The following SLC24A4 variants were observed in gnomAD, a reference collection of about 807,000 sequenced individuals.
SLC24A4 encodes sodium/potassium/calcium exchanger 4.
A neutral mutation model predicts 79.0 loss-of-function variants in SLC24A4; 53 were observed. The ratio of observed to expected loss-of-function variants is 0.67; its 90% CI spans 0.54 to 0.84. SLC24A4 has a LOEUF of 0.84. Ranked by LOEUF, SLC24A4 falls within the 40% of genes least tolerant of loss-of-function variation. The pLI is 0.00. For synonymous variants in SLC24A4, 323 were observed against 323.8 expected (o/e 1.00, Z 0.03); for missense variants, 731 against 822.0 (o/e 0.89, Z 1.35).
In SLC24A4 at chr14:92,353,555, C is replaced by A. The variant is rs368475910; in HGVS notation, c.241+27577C>A. On this transcript the variant is annotated intron_variant, in intron 2 of 16. Coordinates refer to ENST00000532405, the MANE Select transcript of SLC24A4 (RefSeq NM_153646.4). This position sits in a 1 kb window ranked among gnomAD's most constrained non-coding sequence, Gnocchi z 4.1. ...GATGAGAGGGCCGGTTCTCCCCACCCCATGGTGTTATCAGACCTGTTGAGT... is the reference window on the plus strand; with the variant it reads ...GATGAGAGGGCCGGTTCTCCCCACCACATGGTGTTATCAGACCTGTTGAGT... 5.3e-5 allele frequency among the ~76,000 whole-genome samples: 8 copies of A among 152,192 alleles called. No individual in the cohort carries two copies. The highest frequency in any genetic ancestry group is 1.9e-4 in the African/African-American group (8 of 41,444).
intron 2 of SLC24A4, among the ~76,000 whole-genome samples, chr14:92,399,707 A>G (rs191948498): frequency 1.3e-5 from 2 of 152,350 alleles, no homozygotes; most frequent in East Asian, 3.9e-4. Context: ...TTCTCTGGTA[A>G]CCAGCGCATT....
chr14:92,412,236 A>G (rs1327054529), intron 2 of SLC24A4, among the ~76,000 whole-genome samples: 1 of 152,086 alleles, frequency 6.6e-6, no homozygotes, highest in Non-Finnish European at 1.5e-5. Context: ...ACCTGGGGCC[A>G]GGCACCCAGG....
intron 2 of SLC24A4, among the ~76,000 whole-genome samples, chr14:92,419,124 C>G (rs1891144877): frequency 1.3e-5 from 2 of 152,150 alleles, no homozygotes; most frequent in Admixed American, 1.3e-4. Context: ...TATAAAATAC[C>G]TTCACAGCAA....
chr14:92,370,883 C>T (rs148376899), intron 2 of SLC24A4, among the ~76,000 whole-genome samples: 331 of 152,248 alleles, frequency 2.2e-3, no homozygotes, highest in African/African-American at 5.8e-3. Flanking sequence ...AGAACCGGAG[C>T]GGCACCAGAC....
Position 92,325,847 on chromosome 14 carries a change from G to C in SLC24A4, c.131-21G>C, listed in dbSNP as rs747748684. On this transcript the variant is annotated intron_variant, in intron 1 of 16. Transcript: ENST00000532405. ...CCATCACACTGACCTAATGGTATCT[G>C]TGACTTATTTTCCAATCCAGGGCAC... The C allele has an allele frequency of 2.7e-6, 4 of 1,504,350 alleles. No homozygotes were observed. In the African/African-American group the frequency reaches 4.1e-5, roughly 15 times the overall value. 93.2% of individuals were successfully genotyped at this position (1,504,350 alleles called of 1,614,324 possible). A position where few individuals can be genotyped will look rare whatever the true frequency, so the allele number is the denominator to read the frequency against.
chr14:92,460,682 C>T (rs1391333067), intron 12 of SLC24A4, among the ~76,000 whole-genome samples: 1 of 152,214 alleles, frequency 6.6e-6, no homozygotes, highest in Non-Finnish European at 1.5e-5. Flanking sequence ...GGTCCCTGCC[C>T]TCTGGGAGCT....
chr14:92,474,594 C>A lies in SLC24A4; in HGVS notation c.1256-8086C>A, dbSNP rs935703261. 1.1e-4 allele frequency among the ~76,000 whole-genome samples: 16 copies of A among 151,592 alleles called. No homozygotes were observed. In the East Asian group the frequency reaches 3.1e-3, roughly 29 times the overall value. On this transcript the variant is annotated intron_variant, in intron 12 of 16. Coordinates refer to ENST00000532405, the MANE Select transcript of SLC24A4 (RefSeq NM_153646.4). The stretch of plus-strand genomic sequence containing the variant: ...CCACATCCCGGATTCAAGCGATTCT[C>A]CTGCCTCAGCCTCCCAAGTAGCTGG...
intron 16 of SLC24A4, among the ~76,000 whole-genome samples, chr14:92,492,455 C>T (rs1032031033): frequency 6.6e-6 from 1 of 152,164 alleles, no homozygotes; most frequent in Non-Finnish European, 1.5e-5. Context: ...CATAAGAAGT[C>T]CCCAGAGGAA....
chr14:92,460,929 C>A (rs1429162103), intron 12 of SLC24A4, among the ~76,000 whole-genome samples: 1 of 152,198 alleles, frequency 6.6e-6, no homozygotes, highest in Non-Finnish European at 1.5e-5. Context: ...ACACCCAATA[C>A]AGGCAAACTC....
At chr14:92,356,414 CGTGCCACCATGAGGACTGTGGCAAGGTG>C in intron 2 of SLC24A4, among the ~76,000 whole-genome samples, 1 of 152,162 alleles carries the variant, frequency 6.6e-6, no homozygotes, top group African/African-American at 2.4e-5. Flanking sequence ...CTAGAATGAG[CGTGCCACCATGAGGACTGTGGCAAGGTG>C]GTACCACTTT....
At chr14:92,482,038 T>C (rs902929266) in intron 12 of SLC24A4, among the ~76,000 whole-genome samples, 1 of 152,212 alleles carries the variant, frequency 6.6e-6, no homozygotes, top group Non-Finnish European at 1.5e-5. Context: ...GCACCAGTCT[T>C]GACTACATGA....
intron 2 of SLC24A4, among the ~76,000 whole-genome samples, chr14:92,330,539 G>A (rs561342595): frequency 6.6e-6 from 1 of 152,328 alleles, no homozygotes; most frequent in East Asian, 1.9e-4. Context: ...GGAATGAGTG[G>A]CAGTGACTCT....
intron 2 of SLC24A4, among the ~76,000 whole-genome samples, chr14:92,405,846 C>T (rs1280788375): frequency 6.6e-6 from 1 of 152,158 alleles, no homozygotes; most frequent in Non-Finnish European, 1.5e-5. Flanking sequence ...TCATCCCACC[C>T]TTGACCCCTC....
chr14:92,491,577 G>A, intron 14 of SLC24A4, 88 bp from the exon 15 acceptor site: 1 of 903,866 alleles, frequency 1.1e-6, no homozygotes, highest in Admixed American at 1.8e-5. Flanking sequence ...GCTTTCCAAG[G>A]AATGGCACTG....
chr14:92,366,902 A>C (rs1360573288), intron 2 of SLC24A4, among the ~76,000 whole-genome samples: 3 of 152,166 alleles, frequency 2.0e-5, no homozygotes, highest in African/African-American at 7.2e-5. Context: ...GACTTGCCCA[A>C]GGTCATACAA....
intron 3 of SLC24A4, among the ~76,000 whole-genome samples, chr14:92,438,704 C>T (rs1017461980): frequency 2.6e-5 from 4 of 152,128 alleles, no homozygotes; most frequent in South Asian, 2.1e-4. Flanking sequence ...CCTAAGCATA[C>T]GACCCTCCAG....
At chr14:92,477,513 G>T (rs537886142) in intron 12 of SLC24A4, among the ~76,000 whole-genome samples, 1 of 152,208 alleles carries the variant, frequency 6.6e-6, no homozygotes, top group South Asian at 2.1e-4. Flanking sequence ...CTGTTGCCCA[G>T]TGCAATGGCA....
rs1895942729 is a variant in SLC24A4, at chr14:92,496,843, T to G, written c.*3215T>G. ...TTTTTTTTGAGACAGCGTCTTGCTG[T>G]GTCACCCAGGCTGGAGTGCAGTGGT... On this transcript the variant is annotated 3_prime_UTR_variant, in exon 17 of 17. Coordinates refer to ENST00000532405, the MANE Select transcript of SLC24A4 (RefSeq NM_153646.4). 1 of 152,204 alleles carries G rather than the reference T, an allele frequency of 6.6e-6. No homozygotes were observed. The highest frequency in any genetic ancestry group is 1.5e-5 in the Non-Finnish European group (1 of 68,102). 9.4% of individuals were successfully genotyped at this position (152,204 alleles called of 1,614,324 possible). A position where few individuals can be genotyped will look rare whatever the true frequency, so the allele number is the denominator to read the frequency against.
At chr14:92,327,635 A>G (rs1292387592) in intron 2 of SLC24A4, among the ~76,000 whole-genome samples, 2 of 152,208 alleles carry the variant, frequency 1.3e-5, no homozygotes, top group Non-Finnish European at 2.9e-5. Flanking sequence ...TGGGCTGGCC[A>G]TGCCCTCCTC....
Sources: allele counts gnomAD v4.1 joint callset (sites outside exome capture counted in the v4.1 genomes callset), GRCh38; gene constraint gnomAD v4.1.1; non-coding constraint Gnocchi (gnomAD v3.1); transcripts MANE v1.5; gene names NCBI Gene and HGNC (gene_info 2026-07-23, HGNC 2026-07-21).